The following ASIC2 variants were observed in gnomAD, a reference collection of about 807,000 sequenced individuals.
ASIC2 encodes acid sensing ion channel subunit 2.
In ASIC2, 25 loss-of-function variants were observed where a neutral mutation model predicts 57.3. The ratio of observed to expected loss-of-function variants is 0.44; its 90% CI spans 0.32 to 0.61. The LOEUF (loss-of-function observed/expected upper bound fraction) is 0.61. ASIC2 is among the 20% of genes least tolerant of loss of function. ASIC2 has a pLI of 0.06. For synonymous variants in ASIC2, 319 were observed against 307.5 expected (o/e 1.04, Z -0.39); for missense variants, 641 against 738.1 (o/e 0.87, Z 1.52).
At chr17:33,395,464 T>A (rs1910043498) in intron 1 of ASIC2, among the ~76,000 whole-genome samples, 1 of 152,160 alleles carries the variant, frequency 6.6e-6, no homozygotes, top group Non-Finnish European at 1.5e-5. Flanking sequence ...TTTGTGAGAC[T>A]TACTCATTAT....
chr17:33,775,095 A>C (rs958888996), intron 1 of ASIC2, among the ~76,000 whole-genome samples: 1 of 152,194 alleles, frequency 6.6e-6, no homozygotes. Context: ...AAGCGATCCC[A>C]TCCGGGCTTG....
intron 1 of ASIC2, among the ~76,000 whole-genome samples, chr17:33,619,443 A>G (rs1289122449): frequency 6.6e-6 from 1 of 152,216 alleles, no homozygotes; most frequent in Non-Finnish European, 1.5e-5. Context: ...CATCTGAGGT[A>G]GCGGCTGCTT....
At position 33,137,709 on chromosome 17, in the gene ASIC2, G is replaced by T. The variant is rs571391859; in HGVS notation, c.709-25642C>A. ...TTCCATGGCTGGCAGATGTTCTTGGGCAGAAAGTCACTATTCTCAGGAAGT... is the reference window on the plus strand; with the variant it reads ...TTCCATGGCTGGCAGATGTTCTTGGTCAGAAAGTCACTATTCTCAGGAAGT... On this transcript the variant is annotated intron_variant, in intron 1 of 9. Transcript: ENST00000225823. Among the ~76,000 whole-genome samples, 8 of 152,290 alleles carry T rather than the reference G, an allele frequency of 5.3e-5. 1 individual carries two copies. In the South Asian group the frequency reaches 1.7e-3, roughly 32 times the overall value.
intron 2 of ASIC2, among the ~76,000 whole-genome samples, chr17:33,095,533 CTCCT>C (rs1199999647): frequency 6.6e-6 from 1 of 151,986 alleles, no homozygotes; most frequent in Non-Finnish European, 1.5e-5. Context: ...GGATCCCACC[CTCCT>C]TGTTTTACAG....
chr17:33,558,910 G>C (rs895097176), intron 1 of ASIC2, among the ~76,000 whole-genome samples: 1 of 152,086 alleles, frequency 6.6e-6, no homozygotes, highest in Non-Finnish European at 1.5e-5. Context: ...GGAACTACAG[G>C]TTATGCACCA....
At chr17:33,722,736 C>T (rs116878731) in intron 1 of ASIC2, among the ~76,000 whole-genome samples, 11 of 152,030 alleles carry the variant, frequency 7.2e-5, no homozygotes, top group East Asian at 1.9e-4. Flanking sequence ...GCACTGCAGC[C>T]GGGGTAACAG....
chr17:33,175,464 G>GTT (rs71362880), intron 1 of ASIC2, among the ~76,000 whole-genome samples: 1,965 of 147,390 alleles, frequency 0.013, 49 homozygotes, highest in African/African-American at 0.045. Flanking sequence ...TTATTTTATT[G>GTT]TTTTTTTTTT....
chr17:33,832,415 C>A (rs992682213), intron 1 of ASIC2, among the ~76,000 whole-genome samples: 2 of 152,212 alleles, frequency 1.3e-5, no homozygotes, highest in Admixed American at 1.3e-4. Flanking sequence ...ATGTTAAACA[C>A]AAGCTTGAGC....
rs200112181 is a variant in ASIC2, at chr17:33,636,076, T to C, written c.555+519902A>G. On this transcript the variant is annotated intron_variant, in intron 1 of 9. Coordinates refer to the ASIC2 transcript ENST00000359872. ...GAAGCAAGCAAGTTGCAGAACAATA[T>C]TGCATTATTTTGTTTTTGTAAAAAT... 7.2e-5 allele frequency among the ~76,000 whole-genome samples: 11 copies of C among 152,364 alleles called. No individual in the cohort carries two copies. In the East Asian group the frequency reaches 7.7e-4, roughly 11 times the overall value.
chr17:34,079,079 G>C (rs1214895589), intron 1 of ASIC2: 1 of 152,210 alleles, frequency 6.6e-6, no homozygotes, highest in Non-Finnish European at 1.5e-5. Context: ...TGCTCATTCT[G>C]TCTCTGTTCT....
intron 1 of ASIC2, among the ~76,000 whole-genome samples, chr17:33,611,310 G>A (rs1387590093): frequency 6.6e-6 from 1 of 152,162 alleles, no homozygotes; most frequent in East Asian, 1.9e-4. Context: ...TCTGATCTAT[G>A]TTCTGCAAGC....
rs571845210 is a variant in ASIC2, at chr17:33,503,178, G to A, written c.556-391111C>T. Among the ~76,000 whole-genome samples the A allele has an allele frequency of 1.4e-4, 22 of 152,316 alleles. No individual in the cohort carries two copies. In the South Asian group the frequency reaches 4.6e-3, roughly 32 times the overall value. On this transcript the variant is annotated intron_variant, in intron 1 of 9. Transcript: ENST00000359872. ...TACCCTATAGTGTGCTGTGCACATG[G>A]AACGGCGTTGGAGATGAGAGAATGG...
rs529155833 is a variant in ASIC2 at position 33,788,451 on chromosome 17, G to C, written c.555+367527C>G. 9.2e-5 allele frequency among the ~76,000 whole-genome samples: 14 copies of C among 152,256 alleles called. No homozygotes were observed. The East Asian group carries it at 2.5e-3, about 27-fold the overall frequency. On this transcript the variant is annotated intron_variant, in intron 1 of 9. Transcript: ENST00000359872. The stretch of plus-strand genomic sequence containing the variant: ...GAAATAGGAATGCTTTTACACTGTT[G>C]GTGGGAATGTAAATTAGTTCAACCA...
intron 1 of ASIC2, among the ~76,000 whole-genome samples, chr17:33,754,450 C>T (rs1910526376): frequency 6.6e-6 from 1 of 151,988 alleles, no homozygotes; most frequent in Admixed American, 6.5e-5. Context: ...CAGAGGTCAC[C>T]CCTGAGCTCC....
At chr17:33,482,815 T>C (rs1222926594) in intron 1 of ASIC2, among the ~76,000 whole-genome samples, 1 of 152,184 alleles carries the variant, frequency 6.6e-6, no homozygotes, top group East Asian at 1.9e-4. Flanking sequence ...GCCAGCCTTC[T>C]CTCGGACACA....
intron 1 of ASIC2, among the ~76,000 whole-genome samples, chr17:33,447,796 G>A (rs1311908271): frequency 1.3e-5 from 2 of 150,524 alleles, no homozygotes; most frequent in African/African-American, 4.9e-5. Context: ...TCAGTAGGGT[G>A]ACTATAGCTT....
intron 1 of ASIC2, among the ~76,000 whole-genome samples, chr17:33,154,680 A>C (rs774247862): frequency 1.5e-4 from 23 of 152,174 alleles, no homozygotes; most frequent in Non-Finnish European, 4.4e-5. Context: ...GTGTGTTCCA[A>C]ACACAGCTGT....
intron 1 of ASIC2, among the ~76,000 whole-genome samples, chr17:33,558,226 C>A (rs1212436008): frequency 6.6e-6 from 1 of 152,060 alleles, no homozygotes; most frequent in Non-Finnish European, 1.5e-5. Context: ...CACTACCAGT[C>A]CGACCCTGTG....
intron 1 of ASIC2, among the ~76,000 whole-genome samples, chr17:33,695,829 A>G (rs1908506994): frequency 6.6e-6 from 1 of 152,238 alleles, no homozygotes. Flanking sequence ...TATTTTTACT[A>G]TAATACATAC....
Sources: gnomAD v4.1 joint callset for allele counts (sites outside exome capture counted in the v4.1 genomes callset) on GRCh38, gnomAD v4.1.1 for gene constraint, MANE v1.5 for transcripts, NCBI Gene and HGNC (gene_info 2026-07-23, HGNC 2026-07-21) for gene names.